MYLK: variants seen among roughly 807,000 people sequenced by gnomAD.
MYLK encodes myosin light chain kinase, smooth muscle.
Under a neutral mutation model 203.4 loss-of-function variants are expected in MYLK, and 106 were observed. The observed-to-expected ratio is 0.52, with a 90% CI of 0.45 to 0.61. MYLK has a LOEUF of 0.61. MYLK is among the 20% of genes least tolerant of loss of function. MYLK has a pLI of 0.00. For synonymous variants in MYLK, 867 were observed against 959.5 expected (o/e 0.90, Z 1.78); for missense variants, 2,072 against 2,442.3 (o/e 0.85, Z 3.20).
intron 22 of MYLK, 151 bp downstream of exon 22, chr3:123,666,068 G>T: frequency 8.2e-7 from 1 of 1,214,736 alleles, no homozygotes; most frequent in Non-Finnish European, 1.2e-6. Flanking sequence ...AGGTTTGGCA[G>T]GTGAGCGATG....
chr3:123,802,178 CTTTG>C (rs927304972), intron 3 of MYLK, among the ~76,000 whole-genome samples: 65 of 152,330 alleles, frequency 4.3e-4, no homozygotes, highest in African/African-American at 1.5e-3. Context: ...CCTTTCTACT[CTTTG>C]TTTCTCAGTC....
chr3:123,660,631 T>G (rs2059532986), intron 23 of MYLK, among the ~76,000 whole-genome samples: 1 of 152,212 alleles, frequency 6.6e-6, no homozygotes, highest in African/African-American at 2.4e-5. Context: ...TAGTTTTTAT[T>G]ATTGTTTGAA....
At chr3:123,622,953 G>T (rs180812742) in intron 31 of MYLK, 1 of 152,136 alleles carries the variant, frequency 6.6e-6, no homozygotes, top group South Asian at 2.1e-4. Flanking sequence ...TTCCTGTGTC[G>T]CTGGTGAGCA....
At chr3:123,658,251 C>T (rs1025427560) in intron 23 of MYLK, among the ~76,000 whole-genome samples, 2 of 152,174 alleles carry the variant, frequency 1.3e-5, no homozygotes, top group South Asian at 2.1e-4. Flanking sequence ...CACAGCCATC[C>T]CTGACTAATG....
rs369307370 is a variant in MYLK at position 123,770,082 on chromosome 3, A to G, written c.166-17544T>C. Among the ~76,000 whole-genome samples, 921 of 151,632 alleles carry G rather than the reference A, an allele frequency of 6.1e-3. 11 individuals are homozygous for G. Among genetic ancestry groups the G allele is most frequent in the African/African-American group, 0.02 (834 of 41,292 alleles). On this transcript the variant is annotated intron_variant, in intron 4 of 33. Transcript: ENST00000360304. ...TCCCAGCACTTTTGGAGGCCGAAGC[A>G]GGTGGATCACCTGAGGTCAGGAGTT...
chr3:123,761,258 C>T (rs1359107439), intron 4 of MYLK, among the ~76,000 whole-genome samples: 2 of 152,186 alleles, frequency 1.3e-5, no homozygotes, highest in Non-Finnish European at 2.9e-5. Flanking sequence ...CAAGGGTGGG[C>T]AAAAGTGACC....
At chr3:123,811,496 T>C (rs1023252377) in intron 3 of MYLK, among the ~76,000 whole-genome samples, 1 of 152,174 alleles carries the variant, frequency 6.6e-6, no homozygotes, top group African/African-American at 2.4e-5. Context: ...ATTAAAAAGC[T>C]AATGGGGCAT....
chr3:123,633,461 G>A (rs781078435), intron 29 of MYLK, among the ~76,000 whole-genome samples: 9 of 152,114 alleles, frequency 5.9e-5, no homozygotes, highest in Non-Finnish European at 1.3e-4. Flanking sequence ...AAAATCAACC[G>A]GTCAACAAAT....
At chr3:123,866,897 T>C (rs542013046) in intron 2 of MYLK, among the ~76,000 whole-genome samples, 1 of 152,286 alleles carries the variant, frequency 6.6e-6, no homozygotes, top group South Asian at 2.1e-4. Flanking sequence ...GAGGCCATGG[T>C]GTTCCAGGTA....
At chr3:123,775,937 C>T (rs2064058945) in intron 4 of MYLK, among the ~76,000 whole-genome samples, 1 of 152,166 alleles carries the variant, frequency 6.6e-6, no homozygotes, top group African/African-American at 2.4e-5. Context: ...CTCCTGAGCC[C>T]TAGGCTGTCT....
intron 4 of MYLK, among the ~76,000 whole-genome samples, chr3:123,770,263 G>A: frequency 6.6e-6 from 1 of 152,112 alleles, no homozygotes; most frequent in Non-Finnish European, 1.5e-5. Context: ...GGCAGAGGTT[G>A]CAGTGAGCTG....
intron 2 of MYLK, among the ~76,000 whole-genome samples, chr3:123,871,778 TAGA>T (rs1404239216): frequency 6.7e-6 from 1 of 150,272 alleles, no homozygotes; most frequent in African/African-American, 2.4e-5. Context: ...TTCCAGAAAA[TAGA>T]AGAAGGAACA....
chr3:123,722,658 G>A (rs1174532200), intron 12 of MYLK, among the ~76,000 whole-genome samples: 1 of 152,154 alleles, frequency 6.6e-6, no homozygotes, highest in Non-Finnish European at 1.5e-5. Flanking sequence ...TCTGAGCCTG[G>A]AGAGACTTTT....
intron 5 of MYLK, among the ~76,000 whole-genome samples, chr3:123,751,972 G>A: frequency 6.6e-6 from 1 of 152,108 alleles, no homozygotes; most frequent in East Asian, 1.9e-4. Flanking sequence ...ACGGTGGGCT[G>A]AACAGGTGCA....
intron 2 of MYLK, among the ~76,000 whole-genome samples, chr3:123,867,259 C>T (rs1420874369): frequency 1.3e-5 from 2 of 152,086 alleles, no homozygotes; most frequent in Non-Finnish European, 2.9e-5. Context: ...CCCAATCCAT[C>T]TGTCATGGGT....
rs1375537920 is a variant in MYLK, at chr3:123,614,253, G to A, written c.5597C>T (p.Ser1866Phe). ...QIDYDEDGNC[S>F]LIISDVCGDD... Reference sequence around the variant, plus strand: ...CCCGCAAACATCACTAATAATTAAAGAGCAGTTCCCGTCCTCATCGTAGTC... The same window carrying A: ...CCCGCAAACATCACTAATAATTAAAAAGCAGTTCCCGTCCTCATCGTAGTC... The change falls in exon 34 of 34, where the codon TCT becomes TTT. Residue 1866 changes from serine (S) to phenylalanine (F), a missense_variant. Coordinates refer to ENST00000360304, the MANE Select transcript of MYLK (RefSeq NM_053025.4). The A allele has an allele frequency of 6.2e-7, 1 of 1,614,098 alleles. No homozygotes were observed. The highest frequency in any genetic ancestry group is 8.5e-7 in the Non-Finnish European group (1 of 1,180,032).
Position 123,701,005 on chromosome 3 carries a change from C to A in MYLK, c.2463G>T (p.Arg821=), listed in dbSNP as rs562829000. The change falls in exon 18 of 34, where the codon CGG becomes CGT. Residue 821 remains arginine (R), a splice_region_variant and synonymous_variant. Transcript: ENST00000360304. ...CCTCGCAGCTGGCAGGCTCCCTCCC[C>A]CTGCAACCAGTGTAGGGAAAAAGGA... ...LQNSSARALP[R]GREPASCEDL... 1.2e-6 allele frequency: 2 copies of A among 1,603,268 alleles called. No individual in the cohort carries two copies. Among genetic ancestry groups the A allele is most frequent in the Non-Finnish European group, 1.7e-6 (2 of 1,179,920 alleles).
chr3:123,724,485 C>T (rs1424463696), intron 12 of MYLK, among the ~76,000 whole-genome samples: 1 of 152,134 alleles, frequency 6.6e-6, no homozygotes, highest in African/African-American at 2.4e-5. Flanking sequence ...ATCACTGGAT[C>T]CAATAGGACT....
At chr3:123,675,060 T>A (rs2060030666) in intron 20 of MYLK, among the ~76,000 whole-genome samples, 1 of 152,228 alleles carries the variant, frequency 6.6e-6, no homozygotes, top group East Asian at 1.9e-4. Context: ...ACCCGGGAAT[T>A]CCCAAGGAAC....
Sources: gnomAD v4.1 joint callset for allele counts (sites outside exome capture counted in the v4.1 genomes callset) on GRCh38, gnomAD v4.1.1 for gene constraint, MANE v1.5 for transcripts, NCBI Gene and HGNC (gene_info 2026-07-23, HGNC 2026-07-21) for gene names.